CYSLTR1: variants seen among roughly 807,000 people sequenced by gnomAD.
CYSLTR1 encodes the protein G-protein coupled receptor HG55.
Under a neutral mutation model 2.1 loss-of-function variants are expected in CYSLTR1, and 1 was observed. That is an observed-to-expected ratio of 0.48 (90% CI 0.17 to 2.28). The LOEUF (loss-of-function observed/expected upper bound fraction) is 2.28, where lower values mean the gene tolerates loss of function less well. Among genes scored for constraint, CYSLTR1 ranks in the 30% most tolerant of loss-of-function variants. The pLI is 0.26. For synonymous variants in CYSLTR1, 110 were observed against 89.6 expected (o/e 1.23, Z -1.28); for missense variants, 299 against 250.1 (o/e 1.20, Z -1.32).
intron 1 of CYSLTR1, among the ~76,000 whole-genome samples, chrX:78,310,479 T>C (rs73226151): frequency 0.056 from 6,331 of 112,118 alleles, 142 homozygotes; most frequent in East Asian, 0.091. Flanking sequence ...ACTAGTTATA[T>C]TAAAGGAGAT....
intron 2 of CYSLTR1, among the ~76,000 whole-genome samples, chrX:78,274,100 G>A (rs1243651905): frequency 1.8e-5 from 2 of 111,261 alleles, no homozygotes; most frequent in Admixed American, 1.9e-4. Flanking sequence ...CCTTTCAAAT[G>A]AACTTGTTTT....
chrX:78,276,643 T>A (rs965248940), intron 2 of CYSLTR1, among the ~76,000 whole-genome samples: 3 of 110,421 alleles, frequency 2.7e-5, no homozygotes, highest in Non-Finnish European at 5.7e-5. Flanking sequence ...AAAAAGTCAT[T>A]ATTATTATTA....
chrX:78,309,605 T>C (rs1923148382), intron 1 of CYSLTR1, among the ~76,000 whole-genome samples: 1 of 111,475 alleles, frequency 9.0e-6, no homozygotes, highest in Non-Finnish European at 1.9e-5. Flanking sequence ...CCAAGTCACT[T>C]TGAACAGGTA....
chrX:78,325,904 T>C (rs1314577748), intron 1 of CYSLTR1, among the ~76,000 whole-genome samples: 1 of 112,245 alleles, frequency 8.9e-6, no homozygotes, highest in Non-Finnish European at 1.9e-5. Flanking sequence ...AAATAGTTTC[T>C]AAATGCATCA....
Position 78,273,072 on chromosome X carries a change from C to G in CYSLTR1, c.675G>C (p.Leu225=), listed in dbSNP as rs945051585. The part of the protein sequence containing the change: ...TLLKKSMKKN[L]SSHKKAIGMI... ...TTCCTATAGCCTTTTTATGACTTGA[C>G]AGATTTTTTTTCATTGATTTTTTTA... Residue 225 remains leucine, a synonymous_variant, in exon 3 of 3, where the codon CTG becomes CTC. Transcript: ENST00000373304. 1 of 1,210,213 alleles carries G rather than the reference C, an allele frequency of 8.3e-7. No individual in the cohort carries two copies.
intron 1 of CYSLTR1, among the ~76,000 whole-genome samples, chrX:78,285,059 A>AT (rs2149186097): frequency 9.2e-6 from 1 of 109,142 alleles, no homozygotes; most frequent in Non-Finnish European, 1.9e-5. Context: ...GGCAATAAAC[A>AT]TATTTTTTTT....
At chrX:78,309,767 A>T (rs1484378941) in intron 1 of CYSLTR1, among the ~76,000 whole-genome samples, 2 of 111,926 alleles carry the variant, frequency 1.8e-5, no homozygotes, top group South Asian at 3.7e-4. Context: ...CACTTGGAGA[A>T]CATCTAATAC....
intron 1 of CYSLTR1, among the ~76,000 whole-genome samples, chrX:78,285,887 T>C (rs1177378707): frequency 8.9e-6 from 1 of 111,779 alleles, no homozygotes; most frequent in Non-Finnish European, 1.9e-5. Context: ...GGCTCTACCA[T>C]TGTTATCTGG....
chrX:78,296,680 C>CT (rs1467089664), intron 1 of CYSLTR1, among the ~76,000 whole-genome samples: 1 of 110,458 alleles, frequency 9.1e-6, no homozygotes, highest in African/African-American at 3.3e-5. Flanking sequence ...TTTAAAATTT[C>CT]TTTTTCACAT....
intron 1 of CYSLTR1, chrX:78,321,773 G>A (rs1923673758): frequency 9.0e-6 from 1 of 110,658 alleles, no homozygotes; most frequent in African/African-American, 3.3e-5. Flanking sequence ...TAATGGAAAT[G>A]CAAAGACTCA....
At chrX:78,275,233 A>G (rs1160586498) in intron 2 of CYSLTR1, among the ~76,000 whole-genome samples, 2 of 112,020 alleles carry the variant, frequency 1.8e-5, no homozygotes, top group Non-Finnish European at 3.8e-5. Flanking sequence ...TACTGGGTAT[A>G]TACCCAAAGG....
chrX:78,313,868 A>G (rs968510934), intron 1 of CYSLTR1, among the ~76,000 whole-genome samples: 1 of 111,852 alleles, frequency 8.9e-6, no homozygotes, highest in Non-Finnish European at 1.9e-5. Context: ...AGAGAGGAGA[A>G]CTGTCTAAGA....
At chrX:78,282,254 T>A (rs952613274) in intron 2 of CYSLTR1, among the ~76,000 whole-genome samples, 1 of 112,021 alleles carries the variant, frequency 8.9e-6, no homozygotes, top group African/African-American at 3.2e-5. Context: ...GTAATTTCTA[T>A]CTTTGATGAA....
chrX:78,310,829 G>A (rs1307496174), intron 1 of CYSLTR1, among the ~76,000 whole-genome samples: 2 of 111,051 alleles, frequency 1.8e-5, no homozygotes, highest in East Asian at 5.6e-4. Flanking sequence ...ATTTTGATAT[G>A]GCTAAAATAT....
chrX:78,291,309 A>C (rs769304599), intron 1 of CYSLTR1, among the ~76,000 whole-genome samples: 27 of 111,910 alleles, frequency 2.4e-4, no homozygotes, highest in Middle Eastern at 4.6e-3. Flanking sequence ...GATGAAGCCG[A>C]TTTGATCGTG....
intron 1 of CYSLTR1, among the ~76,000 whole-genome samples, chrX:78,289,975 C>G (rs1281779594): frequency 9.9e-5 from 11 of 111,639 alleles, no homozygotes; most frequent in Non-Finnish European, 1.7e-4. Context: ...TAATTAGATC[C>G]CATTTGTCAA....
chrX:78,285,674 T>G (rs1922038756), intron 1 of CYSLTR1, among the ~76,000 whole-genome samples: 1 of 112,338 alleles, frequency 8.9e-6, no homozygotes, highest in Non-Finnish European at 1.9e-5. Context: ...TAGTCCAATC[T>G]TTACATACAC....
At chrX:78,303,474 G>T (rs1165270857) in intron 1 of CYSLTR1, among the ~76,000 whole-genome samples, 2 of 109,382 alleles carry the variant, frequency 1.8e-5, no homozygotes, top group African/African-American at 6.7e-5. Context: ...GTGTGTGGGC[G>T]CAATCAGTGG....
chrX:78,296,985 A>G (rs764608767), intron 1 of CYSLTR1, among the ~76,000 whole-genome samples: 1 of 111,362 alleles, frequency 9.0e-6, no homozygotes, highest in East Asian at 2.8e-4. Flanking sequence ...TAGAGGAAAG[A>G]CTTTTAGTTT....
Sources: allele counts gnomAD v4.1 joint callset (sites outside exome capture counted in the v4.1 genomes callset), GRCh38; gene constraint gnomAD v4.1.1; transcripts MANE v1.5; gene names NCBI Gene and HGNC (gene_info 2026-07-23, HGNC 2026-07-21).